G3BP1: variants seen among roughly 807,000 people sequenced by gnomAD.
The protein encoded by G3BP1 is ras GTPase-activating protein-binding protein 1.
G3BP1 carries 35 observed loss-of-function variants against 58.6 expected under a neutral mutation model. The ratio of observed to expected loss-of-function variants is 0.60; its 90% CI spans 0.46 to 0.79. The LOEUF (loss-of-function observed/expected upper bound fraction) is 0.79, where lower values mean the gene tolerates loss of function less well. Among genes scored for constraint, G3BP1 ranks in the 30% least tolerant of loss-of-function variants. The pLI is 0.00. For synonymous variants in G3BP1, 191 were observed against 195.4 expected, an observed-to-expected ratio of 0.98 and a Z score of 0.19; for missense variants, 523 against 580.8, an observed-to-expected ratio of 0.90 and a Z score of 1.02.
intron 7 of G3BP1, among the ~76,000 whole-genome samples, chr5:151,798,482 G>T (rs1004189110): frequency 6.6e-6 from 1 of 152,228 alleles, no homozygotes; most frequent in Non-Finnish European, 1.5e-5. Context: ...AAATGGAAAA[G>T]AAATAATTAG....
At chr5:151,797,075 T>C (rs1451295978) in intron 6 of G3BP1, 152 bp from the exon 7 acceptor site, 10 of 708,856 alleles carry the variant, frequency 1.4e-5, no homozygotes. Context: ...AAATTACTTT[T>C]TAAAAACTCA....
chr5:151,804,979 A>G lies in G3BP1; in HGVS notation c.*888A>G, dbSNP rs1581585741. 2 of 152,598 alleles carry G rather than the reference A, an allele frequency of 1.3e-5. No individual in the cohort carries two copies. The highest frequency in any genetic ancestry group is 3.8e-4 in the East Asian group (2 of 5,200). 9.5% of individuals were successfully genotyped at this position (152,598 alleles called of 1,614,324 possible). A position where few individuals can be genotyped will look rare whatever the true frequency, so the allele number is the denominator to read the frequency against. ...TTAGGTTCAGAGTATGTGGGGAATT[A>G]TAGAATCCCTCTTTCATCACTTTGT... On this transcript the variant is annotated 3_prime_UTR_variant, in exon 12 of 12. Transcript: ENST00000356245.
In G3BP1 at chr5:151,807,470, T is replaced by G. The variant is rs1041331326; in HGVS notation, c.*3379T>G. The stretch of plus-strand genomic sequence containing the variant: ...TTAACATTACAGTTCTTAATTTCCT[T>G]TAGGGCAAACAAGATAATTAAACTT... On this transcript the variant is annotated 3_prime_UTR_variant, in exon 12 of 12. Transcript: ENST00000356245. 1 of 152,182 alleles carries G rather than the reference T, an allele frequency of 6.6e-6. No individual in the cohort carries two copies. Among genetic ancestry groups the G allele is most frequent in the Non-Finnish European group, 1.5e-5 (1 of 68,030 alleles). The allele number at this position is 152,182 out of a possible 1,614,324, so 9.4% of individuals were successfully genotyped here.
chr5:151,772,827 A>G (rs1342173183), intron 1 of G3BP1, among the ~76,000 whole-genome samples: 1 of 152,124 alleles, frequency 6.6e-6, no homozygotes, highest in Non-Finnish European at 1.5e-5. Context: ...CCCCCAGAGC[A>G]CTTGTCCCTC....
intron 8 of G3BP1, among the ~76,000 whole-genome samples, 178 bp from the exon 9 acceptor site, chr5:151,799,711 T>C (rs1762817131): frequency 6.7e-6 from 1 of 150,190 alleles, no homozygotes; most frequent in Non-Finnish European, 1.5e-5. Flanking sequence ...CCCAAATCAA[T>C]GTAGAAACAG....
intron 4 of G3BP1, 128 bp from the exon 5 acceptor site, chr5:151,794,031 A>G (rs1762705765): frequency 3.3e-6 from 2 of 614,442 alleles, no homozygotes; most frequent in Admixed American, 2.7e-5. Context: ...AACAACAAAA[A>G]CTGAAATGTC....
At chr5:151,802,489 C>T (rs1762871600) in intron 11 of G3BP1, among the ~76,000 whole-genome samples, 1 of 152,114 alleles carries the variant, frequency 6.6e-6, no homozygotes, top group Non-Finnish European at 1.5e-5. Flanking sequence ...CTTATTTTTC[C>T]CTGGAGGCCT....
At chr5:151,795,767 A>G (rs971545174) in intron 6 of G3BP1, among the ~76,000 whole-genome samples, 192 bp downstream of exon 6, 2 of 152,278 alleles carry the variant, frequency 1.3e-5, no homozygotes, top group African/African-American at 4.8e-5. Flanking sequence ...AAATTGTACT[A>G]TGAAGGCAAT....
Position 151,797,248 on chromosome 5 carries a change from A to G in G3BP1, c.561A>G (p.Leu187=). The G allele has an allele frequency of 6.2e-7, 1 of 1,613,388 alleles. No individual in the cohort carries two copies. Among genetic ancestry groups the G allele is most frequent in the Non-Finnish European group, 8.5e-7 (1 of 1,179,282 alleles). ...AVVSNDMEEH[L]EEPVAEPEPD... The stretch of plus-strand genomic sequence containing the variant: ...AAAGTAATGACATGGAAGAACATTT[A>G]GAGGAGCCTGTTGCTGAACCAGAGC... The change falls in exon 7 of 12, where the codon TTA becomes TTG. Residue 187 remains leucine (L), a synonymous_variant. Transcript: ENST00000356245.
chr5:151,777,931 T>C (rs1423102754), intron 1 of G3BP1, among the ~76,000 whole-genome samples: 1 of 152,208 alleles, frequency 6.6e-6, no homozygotes, highest in Non-Finnish European at 1.5e-5. Context: ...TGTTCTTTTT[T>C]TAATTGCTCA....
At chr5:151,794,116 A>G (rs764084003) in intron 4 of G3BP1, 43 bp from the exon 5 acceptor site, 3 of 1,208,320 alleles carry the variant, frequency 2.5e-6, no homozygotes, top group Admixed American at 3.4e-5. Context: ...TTGACTTTCT[A>G]AAAGTCTGTT....
At chr5:151,777,172 C>G (rs534415657) in intron 1 of G3BP1, among the ~76,000 whole-genome samples, 1 of 152,112 alleles carries the variant, frequency 6.6e-6, no homozygotes, top group African/African-American at 2.4e-5. Flanking sequence ...CAGATGTTGG[C>G]TTCTGTATTC....
At chr5:151,781,109 G>T (rs924377812) in intron 1 of G3BP1, among the ~76,000 whole-genome samples, 1 of 152,014 alleles carries the variant, frequency 6.6e-6, no homozygotes, top group Non-Finnish European at 1.5e-5. Flanking sequence ...TAAGAAAAAG[G>T]TATTTCATGA....
chr5:151,807,668 G>A lies in G3BP1; in HGVS notation c.*3577G>A, dbSNP rs1202314735. ...ATCCAGGTGAGTTTATAGAATTTGTGTTTTGTGCTTATAAACTGTCACCTT... is the reference window on the plus strand; with the variant it reads ...ATCCAGGTGAGTTTATAGAATTTGTATTTTGTGCTTATAAACTGTCACCTT... On this transcript the variant is annotated 3_prime_UTR_variant, in exon 12 of 12. Coordinates refer to ENST00000356245, the MANE Select transcript of G3BP1 (RefSeq NM_005754.3). 6.6e-6 allele frequency: 1 copy of A among 152,108 alleles called. No homozygotes were observed. The highest frequency in any genetic ancestry group is 1.5e-5 in the Non-Finnish European group (1 of 68,002). 9.4% of individuals were successfully genotyped at this position (152,108 alleles called of 1,614,324 possible).
rs571392517 is a variant in G3BP1 at position 151,807,757 on chromosome 5, A to G, written c.*3666A>G. On this transcript the variant is annotated 3_prime_UTR_variant, in exon 12 of 12. Coordinates refer to ENST00000356245, the MANE Select transcript of G3BP1 (RefSeq NM_005754.3). Reference sequence around the variant, plus strand: ...GTAGAATTTAACGATTTAATGGAAAATGTTGCACTTTATAGAAGGCCATTT... The same window carrying G: ...GTAGAATTTAACGATTTAATGGAAAGTGTTGCACTTTATAGAAGGCCATTT... 4 of 152,322 alleles carry G rather than the reference A, an allele frequency of 2.6e-5. No individual in the cohort carries two copies. Among genetic ancestry groups the G allele is most frequent in the African/African-American group, 9.6e-5 (4 of 41,578 alleles). 9.4% of individuals were successfully genotyped at this position (152,322 alleles called of 1,614,324 possible). A position where few individuals can be genotyped will look rare whatever the true frequency, so the allele number is the denominator to read the frequency against.
intron 2 of G3BP1, among the ~76,000 whole-genome samples, chr5:151,789,704 G>A (rs894173935): frequency 6.6e-6 from 1 of 152,192 alleles, no homozygotes; most frequent in Non-Finnish European, 1.5e-5. Flanking sequence ...TTTTCTTCCT[G>A]AGTGAAAATA....
intron 1 of G3BP1, among the ~76,000 whole-genome samples, chr5:151,775,542 A>G (rs2113213320): frequency 6.6e-6 from 1 of 152,368 alleles, no homozygotes; most frequent in East Asian, 1.9e-4. Context: ...GGAATGTATG[A>G]ATGTGACACC....
Position 151,800,315 on chromosome 5 carries a change from G to C in G3BP1, c.1053G>C (p.Val351=). Residue 351 remains valine (V), a synonymous_variant, in exon 10 of 12, where the codon GTG becomes GTC. Coordinates refer to ENST00000356245, the MANE Select transcript of G3BP1 (RefSeq NM_005754.3). Reference sequence around the variant, plus strand: ...TCATTGGCAACCTGCCTCATGAAGTGGACAAATCAGAGCTTAAAGATTTCT... The same window carrying C: ...TCATTGGCAACCTGCCTCATGAAGTCGACAAATCAGAGCTTAAAGATTTCT... The part of the protein sequence containing the change: ...QLFIGNLPHE[V]DKSELKDFFQ... 6.2e-7 allele frequency: 1 copy of C among 1,613,116 alleles called. No individual in the cohort carries two copies. Among genetic ancestry groups the C allele is most frequent in the Non-Finnish European group, 8.5e-7 (1 of 1,179,164 alleles).
At chr5:151,781,986 G>A (rs990720110) in intron 1 of G3BP1, among the ~76,000 whole-genome samples, 9 of 151,446 alleles carry the variant, frequency 5.9e-5, no homozygotes, top group Non-Finnish European at 1.3e-4. Flanking sequence ...TATGTTAAAT[G>A]CTTGGGATTT....
Sources: allele counts gnomAD v4.1 joint callset (sites outside exome capture counted in the v4.1 genomes callset), GRCh38; gene constraint gnomAD v4.1.1; transcripts MANE v1.5; gene names NCBI Gene and HGNC (gene_info 2026-07-23, HGNC 2026-07-21).